THADA: variants seen among roughly 807,000 people sequenced by gnomAD.
The protein encoded by THADA is tRNA (32-2'-O)-methyltransferase regulator THADA.
Under a neutral mutation model 219.8 loss-of-function variants are expected in THADA, and 213 were observed. The ratio of observed to expected loss-of-function variants is 0.97; its 90% CI spans 0.87 to 1.09. The LOEUF is 1.09. Among genes scored for constraint, THADA ranks in the 50% least tolerant of loss-of-function variants. The pLI is 0.00. For missense variants in THADA, 2,956 were observed against 2,311.3 expected, an observed-to-expected ratio of 1.28 and a Z score of -5.72; for synonymous variants, 1,018 against 828.9, an observed-to-expected ratio of 1.23 and a Z score of -3.92.
intron 29 of THADA, among the ~76,000 whole-genome samples, chr2:43,381,056 C>G (rs1383720339): frequency 7.1e-6 from 1 of 141,102 alleles, no homozygotes; most frequent in Non-Finnish European, 1.5e-5. Flanking sequence ...CAAGATCGTG[C>G]CACTACACTC....
At chr2:43,248,158 TATATATAGAGAGAGAGAGAGAG>T (rs1282673488) in intron 36 of THADA, among the ~76,000 whole-genome samples, 1,481 of 64,762 alleles carry the variant, frequency 0.023, 7 homozygotes, top group African/African-American at 0.051. Flanking sequence ...TATATATATA[TATATATAGAGAGAGAGAGAGAG>T]AGAGAGAGAG....
intron 36 of THADA, among the ~76,000 whole-genome samples, chr2:43,248,645 CAT>C (rs1192437008): frequency 6.6e-6 from 1 of 152,220 alleles, no homozygotes; most frequent in Non-Finnish European, 1.5e-5. Flanking sequence ...TTTGCATTTA[CAT>C]AGAGTCACAG....
At chr2:43,550,114 A>G (rs1209508623) in intron 19 of THADA, among the ~76,000 whole-genome samples, 1 of 152,350 alleles carries the variant, frequency 6.6e-6, no homozygotes, top group South Asian at 2.1e-4. Context: ...ACGAGTGCCT[A>G]TAACAGAAAC....
intron 17 of THADA, among the ~76,000 whole-genome samples, chr2:43,555,563 C>T (rs1216778968): frequency 6.6e-6 from 1 of 152,094 alleles, no homozygotes; most frequent in African/African-American, 2.4e-5. Context: ...AATAGGGTCT[C>T]CTTTGAAATC....
intron 36 of THADA, among the ~76,000 whole-genome samples, chr2:43,273,938 C>T (rs1460587415): frequency 6.6e-6 from 1 of 152,114 alleles, no homozygotes; most frequent in Non-Finnish European, 1.5e-5. Context: ...CTTTGCCTTG[C>T]CCTGGCTACA....
chr2:43,416,368 G>T (rs1181594357), intron 28 of THADA, among the ~76,000 whole-genome samples: 1 of 152,166 alleles, frequency 6.6e-6, no homozygotes, highest in Non-Finnish European at 1.5e-5. Flanking sequence ...CTTCTTTCCT[G>T]TATGATTTAA....
At chr2:43,293,522 A>T (rs1311152671) in intron 31 of THADA, among the ~76,000 whole-genome samples, 1 of 152,170 alleles carries the variant, frequency 6.6e-6, no homozygotes, top group Non-Finnish European at 1.5e-5. Flanking sequence ...CCGAGCCTCA[A>T]AGCTGACCAT....
intron 22 of THADA, 49 bp downstream of exon 22, chr2:43,527,830 T>G: frequency 7.7e-7 from 1 of 1,305,128 alleles, no homozygotes; most frequent in Non-Finnish European, 1.1e-6. Context: ...AGCATATGCT[T>G]TGTATATTTA....
intron 26 of THADA, among the ~76,000 whole-genome samples, chr2:43,474,069 T>A (rs538935406): frequency 6.6e-6 from 1 of 152,296 alleles, no homozygotes; most frequent in South Asian, 2.1e-4. Flanking sequence ...ATGTGGTCTG[T>A]CATTGACTGA....
intron 26 of THADA, among the ~76,000 whole-genome samples, chr2:43,464,896 C>T (rs958541894): frequency 7.2e-5 from 11 of 152,034 alleles, no homozygotes; most frequent in Admixed American, 6.6e-5. Context: ...TCTTGAGCAC[C>T]CCTAGCCAGT....
At chr2:43,301,305 C>T (rs1313446157) in intron 31 of THADA, among the ~76,000 whole-genome samples, 1 of 152,132 alleles carries the variant, frequency 6.6e-6, no homozygotes, top group Non-Finnish European at 1.5e-5. Context: ...ATAAAAACAC[C>T]AAAGGAGAGA....
rs867059699 is a variant in THADA at position 43,515,050 on chromosome 2, T to A, written c.3375-6270A>T. Among the ~76,000 whole-genome samples the A allele has an allele frequency of 1.4e-3, 74 of 52,470 alleles. 2 individuals are homozygous for A. Among genetic ancestry groups the A allele is most frequent in the African/African-American group, 4.7e-3 (58 of 12,348 alleles). 34.4% of individuals were successfully genotyped at this position (52,470 alleles called of 152,430 possible). On this transcript the variant is annotated intron_variant, in intron 22 of 37. Coordinates refer to ENST00000405975, the MANE Select transcript of THADA (RefSeq NM_022065.5). ...ATATAATATATATAAATATATATAT[T>A]TTATATATAATATATTTTATATATA...
At chr2:43,401,040 A>G (rs1183174547) in intron 28 of THADA, among the ~76,000 whole-genome samples, 1 of 152,126 alleles carries the variant, frequency 6.6e-6, no homozygotes, top group Non-Finnish European at 1.5e-5. Context: ...AAACAAATAC[A>G]CTTAAGGTCT....
chr2:43,507,955 A>G (rs1454229589), intron 23 of THADA, among the ~76,000 whole-genome samples: 1 of 152,192 alleles, frequency 6.6e-6, no homozygotes, highest in African/African-American at 2.4e-5. Context: ...GTATGTTTTC[A>G]TATGTGTTCA....
chr2:43,572,939 C>T lies in THADA; in HGVS notation c.1783G>A (p.Gly595Arg). Residue 595 changes from glycine to arginine, a missense_variant, in exon 12 of 38, where the codon GGA becomes AGA. Coordinates refer to ENST00000405975, the MANE Select transcript of THADA (RefSeq NM_022065.5). Reference sequence around the variant, plus strand: ...ATTCGCAGACATGCCATCAAAGCTCCCAGAGCCCCCCTGCTATTACAAGAC... The same window carrying T: ...ATTCGCAGACATGCCATCAAAGCTCTCAGAGCCCCCCTGCTATTACAAGAC... ...LGSCNSRGAL[G>R]ALMACLRIAR... 1 of 1,613,900 alleles carries T rather than the reference C, an allele frequency of 6.2e-7. No homozygotes were observed. The highest frequency in any genetic ancestry group is 8.5e-7 in the Non-Finnish European group (1 of 1,179,850).
chr2:43,240,044 G>T (rs1668456058), intron 36 of THADA, among the ~76,000 whole-genome samples: 1 of 152,246 alleles, frequency 6.6e-6, no homozygotes, highest in African/African-American at 2.4e-5. Context: ...CGAAGACGGT[G>T]TGTGACACAG....
At position 43,398,597 on chromosome 2, in the gene THADA, G is replaced by C. The variant is rs113538523; in HGVS notation, c.4059-458C>G. ...AGTATAGGAAAAGTGAGAAGCAAGT[G>C]ACCTTGACATTATGACTATAGAAAC... On this transcript the variant is annotated intron_variant, in intron 28 of 37. Transcript: ENST00000405975. Among the ~76,000 whole-genome samples, 36 of 152,284 alleles carry C rather than the reference G, an allele frequency of 2.4e-4. 1 individual carries two copies. Among genetic ancestry groups the C allele is most frequent in the African/African-American group, 8.4e-4 (35 of 41,568 alleles).
intron 14 of THADA, among the ~76,000 whole-genome samples, chr2:43,568,466 T>C (rs1698931236): frequency 6.6e-6 from 1 of 152,068 alleles, no homozygotes; most frequent in Non-Finnish European, 1.5e-5. Context: ...GGTGTACCAG[T>C]AGGGAAAAAG....
chr2:43,545,020 G>A (rs963203698), intron 20 of THADA, among the ~76,000 whole-genome samples: 8 of 152,170 alleles, frequency 5.3e-5, no homozygotes, highest in African/African-American at 1.9e-4. Flanking sequence ...GTTTGTCACA[G>A]ATAGCTCTTA....
Sources: gnomAD v4.1 joint callset for allele counts (sites outside exome capture counted in the v4.1 genomes callset) on GRCh38, gnomAD v4.1.1 for gene constraint, MANE v1.5 for transcripts, NCBI Gene and HGNC (gene_info 2026-07-23, HGNC 2026-07-21) for gene names.